CUX2: variants seen among roughly 807,000 people sequenced by gnomAD.
The protein encoded by CUX2 is cut like homeobox 2.
CUX2 carries 40 observed loss-of-function variants against 144.8 expected under a neutral mutation model. The observed-to-expected ratio is 0.28, with a 90% CI of 0.21 to 0.36. The LOEUF (loss-of-function observed/expected upper bound fraction) is 0.36. Ranked by LOEUF, CUX2 falls within the 10% of genes least tolerant of loss-of-function variation. The pLI is 1.00. For missense variants in CUX2, 1,615 were observed against 1,994.0 expected, an observed-to-expected ratio of 0.81 and a Z score of 3.62; for synonymous variants, 827 against 875.6, an observed-to-expected ratio of 0.94 and a Z score of 0.98.
At chr12:111,132,348 A>G (rs1478464179) in intron 1 of CUX2, among the ~76,000 whole-genome samples, 1 of 151,696 alleles carries the variant, frequency 6.6e-6, no homozygotes, top group African/African-American at 2.4e-5. Context: ...TTCCTCCTAG[A>G]CCTCTGGGCC....
chr12:111,314,638 C>T (rs1236565958), intron 16 of CUX2, among the ~76,000 whole-genome samples: 1 of 47,642 alleles, frequency 2.1e-5, no homozygotes, highest in African/African-American at 1.6e-4. Context: ...AAAACTCAGT[C>T]TAAAAAAAAA....
Position 111,077,056 on chromosome 12 carries a change from C to T in CUX2, c.63+42816C>T, listed in dbSNP as rs1397516789. Among the ~76,000 whole-genome samples the T allele has an allele frequency of 1.3e-5, 2 of 152,180 alleles. No homozygotes were observed. Among genetic ancestry groups the T allele is most frequent in the African/African-American group, 2.4e-5 (1 of 41,430 alleles). On this transcript the variant is annotated intron_variant, in intron 1 of 21. Coordinates refer to ENST00000261726, the MANE Select transcript of CUX2 (RefSeq NM_015267.4). This position sits in a 1 kb window ranked among gnomAD's most constrained non-coding sequence, Gnocchi z 4.1. Reference sequence around the variant, plus strand: ...CATTGCAACAGAGCTATTCCTTGCACGAGGAGGTAAAATATTTGAACTGAT... The same window carrying T: ...CATTGCAACAGAGCTATTCCTTGCATGAGGAGGTAAAATATTTGAACTGAT...
intron 1 of CUX2, among the ~76,000 whole-genome samples, chr12:111,117,260 T>A (rs1205991790): frequency 6.6e-6 from 1 of 152,226 alleles, no homozygotes; most frequent in East Asian, 1.9e-4. Flanking sequence ...GCAACTTTCA[T>A]ACTCGCATGA....
At chr12:111,047,129 C>T (rs1035556583) in intron 1 of CUX2, among the ~76,000 whole-genome samples, 25 of 152,342 alleles carry the variant, frequency 1.6e-4, no homozygotes, top group African/African-American at 5.3e-4. Flanking sequence ...CATCCATCCC[C>T]GGCCCCCGCT....
intron 1 of CUX2, among the ~76,000 whole-genome samples, chr12:111,176,392 G>C (rs571878730): frequency 1.3e-5 from 2 of 152,132 alleles, no homozygotes; most frequent in South Asian, 4.2e-4. Flanking sequence ...GGAGACTCAG[G>C]CTCCAGTCCT....
At chr12:111,087,319 G>C (rs1235548044) in intron 1 of CUX2, among the ~76,000 whole-genome samples, 2 of 120,058 alleles carry the variant, frequency 1.7e-5, no homozygotes, top group African/African-American at 6.5e-5. Flanking sequence ...AGTGAGCCAA[G>C]ATCGTGCCAG....
At chr12:111,214,076 C>G (rs757706104) in intron 1 of CUX2, 124 bp from the exon 2 acceptor site, 7 of 467,184 alleles carry the variant, frequency 1.5e-5, no homozygotes, top group Non-Finnish European at 2.2e-5. Flanking sequence ...TGTCTTTTCT[C>G]AGCTTTGTAA....
rs1189314087 is a variant in CUX2, at chr12:111,349,716, T to A, written c.*1391T>A. 3 of 152,190 alleles carry A rather than the reference T, an allele frequency of 2.0e-5. No homozygotes were observed. The highest frequency in any genetic ancestry group is 4.4e-5 in the Non-Finnish European group (3 of 68,030). 9.4% of individuals were successfully genotyped at this position (152,190 alleles called of 1,614,324 possible). ...CTAGGGTGAGAGTTCCCAATTTGGATAGAACGGCCACCATATTGGTTACTG... is the reference window on the plus strand; with the variant it reads ...CTAGGGTGAGAGTTCCCAATTTGGAAAGAACGGCCACCATATTGGTTACTG... On this transcript the variant is annotated 3_prime_UTR_variant, in exon 22 of 22. Transcript: ENST00000261726.
At chr12:111,197,888 T>C (rs1880337711) in intron 1 of CUX2, among the ~76,000 whole-genome samples, 1 of 152,302 alleles carries the variant, frequency 6.6e-6, no homozygotes, top group South Asian at 2.1e-4. Flanking sequence ...CAGGATGTGC[T>C]CACTTTTCCC....
Position 111,171,409 on chromosome 12 carries a change from G to A in CUX2, c.64-42791G>A, listed in dbSNP as rs925118054. Among the ~76,000 whole-genome samples, 1 of 152,182 alleles carries A rather than the reference G, an allele frequency of 6.6e-6. No homozygotes were observed. Among genetic ancestry groups the A allele is most frequent in the African/African-American group, 2.4e-5 (1 of 41,446 alleles). On this transcript the variant is annotated intron_variant, in intron 1 of 21. Transcript: ENST00000261726. This position sits in a 1 kb window ranked among gnomAD's most constrained non-coding sequence, Gnocchi z 5.0. The stretch of plus-strand genomic sequence containing the variant: ...GCGGCTTTTCTGAGACCGGCCAGAA[G>A]GACAGACGAGAGGGGTTTCTTATGC...
At chr12:111,166,626 AG>A (rs35091084) in intron 1 of CUX2, among the ~76,000 whole-genome samples, 3,298 of 152,210 alleles carry the variant, frequency 0.022, 117 homozygotes, top group African/African-American at 0.073. Context: ...TGCTTGATGG[AG>A]GGGCCAGGCT....
At chr12:111,072,018 C>G (rs1440453612) in intron 1 of CUX2, among the ~76,000 whole-genome samples, 2 of 152,136 alleles carry the variant, frequency 1.3e-5, no homozygotes, top group Non-Finnish European at 2.9e-5. Flanking sequence ...ATTACTGTAG[C>G]TTTATAGTAA....
At chr12:111,040,178 T>C (rs1869669056) in intron 1 of CUX2, among the ~76,000 whole-genome samples, 1 of 151,776 alleles carries the variant, frequency 6.6e-6, no homozygotes, top group Non-Finnish European at 1.5e-5. Flanking sequence ...TCCCAGATAC[T>C]CAGGAGGCTG....
At chr12:111,109,686 G>C (rs1436549304) in intron 1 of CUX2, among the ~76,000 whole-genome samples, 1 of 152,212 alleles carries the variant, frequency 6.6e-6, no homozygotes, top group Non-Finnish European at 1.5e-5. Context: ...TATCACACAG[G>C]TTGGGGCATT....
chr12:111,341,836 G>A lies in CUX2; in HGVS notation c.3442G>A (p.Ala1148Thr), dbSNP rs201245757. 4.5e-4 allele frequency: 718 copies of A among 1,612,992 alleles called. No individual in the cohort carries two copies. Among genetic ancestry groups the A allele is most frequent in the Non-Finnish European group, 5.4e-4 (635 of 1,179,888 alleles). ...ISTGSDSESP[A>T]TRSECPSPCL... The stretch of plus-strand genomic sequence containing the variant: ...CACCGGCTCAGACAGTGAGTCCCCG[G>A]CCACCCGCTCAGAGTGCCCCAGCCC... The change falls in exon 21 of 22, where the codon GCC becomes ACC. Residue 1148 changes from alanine (A) to threonine (T), a missense_variant. Physicochemically the swap from Ala to Thr is moderately conservative, Grantham distance 58. Coordinates refer to ENST00000261726, the MANE Select transcript of CUX2 (RefSeq NM_015267.4).
intron 16 of CUX2, among the ~76,000 whole-genome samples, chr12:111,316,848 A>G (rs2136390163): frequency 6.6e-6 from 1 of 152,256 alleles, no homozygotes; most frequent in South Asian, 2.1e-4. Flanking sequence ...TCATCACCCC[A>G]GAAGGAAACC....
At chr12:111,318,238 C>CTTTTTTTTTTTTTT (rs955839240) in intron 16 of CUX2, among the ~76,000 whole-genome samples, 3 of 109,652 alleles carry the variant, frequency 2.7e-5, no homozygotes, top group African/African-American at 9.6e-5. Flanking sequence ...ATTTTTTTTT[C>CTTTTTTTTTTTTTT]TTTTTTCTTT....
intron 3 of CUX2, among the ~76,000 whole-genome samples, chr12:111,254,842 C>A (rs1003757609): frequency 2.0e-5 from 3 of 150,938 alleles, no homozygotes; most frequent in African/African-American, 7.5e-5. Flanking sequence ...TCTGTTCCAG[C>A]CAAGCAGTCT....
At chr12:111,092,618 A>G (rs1169009197) in intron 1 of CUX2, among the ~76,000 whole-genome samples, 1 of 152,010 alleles carries the variant, frequency 6.6e-6, no homozygotes, top group Non-Finnish European at 1.5e-5. Context: ...TGCCTCCAAG[A>G]ACAGTGTTCC....
Sources: allele counts gnomAD v4.1 joint callset (sites outside exome capture counted in the v4.1 genomes callset), GRCh38; gene constraint gnomAD v4.1.1; non-coding constraint Gnocchi (gnomAD v3.1); transcripts MANE v1.5; gene names NCBI Gene and HGNC (gene_info 2026-07-23, HGNC 2026-07-21).